Variants in SEZ6L observed in about 807,000 individuals in gnomAD.
SEZ6L encodes seizure 6-like protein.
SEZ6L carries 37 observed loss-of-function variants against 106.2 expected under a neutral mutation model. The observed-to-expected ratio is 0.35, with a 90% CI of 0.27 to 0.46. The LOEUF is 0.46. SEZ6L is among the 20% of genes least tolerant of loss of function. The pLI, the probability that SEZ6L is intolerant of heterozygous loss-of-function variation, is 1.00. For missense variants in SEZ6L, 1,172 were observed against 1,332.8 expected (o/e 0.88, Z 1.88); for synonymous variants, 541 against 570.4 (o/e 0.95, Z 0.73).
chr22:26,281,981 T>C (rs2080786407), intron 1 of SEZ6L, among the ~76,000 whole-genome samples: 1 of 152,362 alleles, frequency 6.6e-6, no homozygotes, highest in South Asian at 2.1e-4. Flanking sequence ...TATTCTGTAA[T>C]TGATTTAACC....
In SEZ6L at chr22:26,295,666, G is replaced by A. The variant is rs117977477; in HGVS notation, c.970-1222G>A. On this transcript the variant is annotated intron_variant, in intron 3 of 16. Coordinates refer to ENST00000248933, the MANE Select transcript of SEZ6L (RefSeq NM_021115.5). ...TCATGAAGAGTATTGGACCCAGTAT[G>A]TGTCCAGTACTGTGTGGAGCCTTTT... Among the ~76,000 whole-genome samples, 516 of 152,326 alleles carry A rather than the reference G, an allele frequency of 3.4e-3. 2 individuals are homozygous for A. The Middle Eastern group carries it at 0.034, about 10-fold the overall frequency.
At chr22:26,266,894 C>T (rs969693599) in intron 1 of SEZ6L, among the ~76,000 whole-genome samples, 1 of 151,956 alleles carries the variant, frequency 6.6e-6, no homozygotes, top group African/African-American at 2.4e-5. Context: ...ATGCAAAGTG[C>T]TGCTGGAATA....
At chr22:26,188,160 G>A (rs1939925584) in intron 1 of SEZ6L, among the ~76,000 whole-genome samples, 1 of 152,124 alleles carries the variant, frequency 6.6e-6, no homozygotes, top group Non-Finnish European at 1.5e-5. Flanking sequence ...CCTCTTCCAG[G>A]GAGCCTTCCC....
At chr22:26,249,057 AT>A (rs1302304741) in intron 1 of SEZ6L, among the ~76,000 whole-genome samples, 2 of 152,224 alleles carry the variant, frequency 1.3e-5, no homozygotes, top group African/African-American at 4.8e-5. Flanking sequence ...TTGACATATA[AT>A]AATCTTATGT....
At chr22:26,230,237 A>G (rs556784758) in intron 1 of SEZ6L, among the ~76,000 whole-genome samples, 1 of 152,272 alleles carries the variant, frequency 6.6e-6, no homozygotes, top group Non-Finnish European at 1.5e-5. Flanking sequence ...GAACCATCTC[A>G]TCAAGCCCCT....
intron 10 of SEZ6L, among the ~76,000 whole-genome samples, chr22:26,341,149 C>A (rs1223328721): frequency 6.6e-6 from 1 of 152,202 alleles, no homozygotes; most frequent in Non-Finnish European, 1.5e-5. Context: ...CCTCGTTGAA[C>A]AAGGACAGCC....
At chr22:26,310,262 G>T (rs6005001) in intron 6 of SEZ6L, among the ~76,000 whole-genome samples, 1 of 152,046 alleles carries the variant, frequency 6.6e-6, no homozygotes, top group African/African-American at 2.4e-5. Context: ...AGGACTGGGC[G>T]TGGTGGCTCA....
chr22:26,312,650 A>C (rs2081875490), intron 8 of SEZ6L, among the ~76,000 whole-genome samples: 1 of 152,210 alleles, frequency 6.6e-6, no homozygotes, highest in Non-Finnish European at 1.5e-5. Context: ...GGCTCACTGC[A>C]GCCTCCGCTT....
At chr22:26,283,311 T>G (rs558414295) in intron 1 of SEZ6L, among the ~76,000 whole-genome samples, 13 of 152,236 alleles carry the variant, frequency 8.5e-5, no homozygotes, top group African/African-American at 2.9e-4. Flanking sequence ...TGGAGGAAGG[T>G]AGGGGAATGG....
chr22:26,312,769 C>T (rs1442671297), intron 8 of SEZ6L, among the ~76,000 whole-genome samples: 1 of 152,182 alleles, frequency 6.6e-6, no homozygotes, highest in Non-Finnish European at 1.5e-5. Context: ...GGGGTTTCAC[C>T]ATATCAGCCA....
At position 26,382,656 on chromosome 22, in the gene SEZ6L, T is replaced by C. The variant is rs961839148; in HGVS notation, c.*2361T>C. 1 of 152,202 alleles carries C rather than the reference T, an allele frequency of 6.6e-6. No individual in the cohort carries two copies. The highest frequency in any genetic ancestry group is 1.5e-5 in the Non-Finnish European group (1 of 68,046). The allele number at this position is 152,202 out of a possible 1,614,324, so 9.4% of individuals were successfully genotyped here. ...GAGACAGATCATACGAGTTCAACAA[T>C]GTACAGTGTGATTGAAAAGACAGGT... On this transcript the variant is annotated 3_prime_UTR_variant, in exon 17 of 17. Transcript: ENST00000248933.
chr22:26,327,005 C>T (rs890024105), intron 9 of SEZ6L, among the ~76,000 whole-genome samples: 21 of 152,124 alleles, frequency 1.4e-4, no homozygotes, highest in East Asian at 3.9e-4. Context: ...GTGTTCTGGC[C>T]GCTCGGATTG....
chr22:26,171,508 G>GA (rs199605745), intron 1 of SEZ6L, among the ~76,000 whole-genome samples: 3,834 of 151,136 alleles, frequency 0.025, 78 homozygotes, highest in South Asian at 0.084. Flanking sequence ...ACCTTGCAGG[G>GA]AAAAAAAAAT....
chr22:26,289,038 A>G (rs980473808), intron 1 of SEZ6L, among the ~76,000 whole-genome samples: 5 of 152,220 alleles, frequency 3.3e-5, no homozygotes, highest in Non-Finnish European at 7.3e-5. Context: ...AAACCCAACA[A>G]TGTCTGAGCT....
At chr22:26,346,885 G>A (rs2083024959) in intron 10 of SEZ6L, among the ~76,000 whole-genome samples, 1 of 152,178 alleles carries the variant, frequency 6.6e-6, no homozygotes. Flanking sequence ...TTCAGTGTTG[G>A]TAGGGACTAC....
At chr22:26,193,401 T>G (rs1457275621) in intron 1 of SEZ6L, among the ~76,000 whole-genome samples, 23 of 152,196 alleles carry the variant, frequency 1.5e-4, no homozygotes, top group Non-Finnish European at 3.4e-4. Flanking sequence ...ATACTCAAGA[T>G]CACAAGGCAA....
chr22:26,249,523 C>CGT (rs140057852), intron 1 of SEZ6L, among the ~76,000 whole-genome samples: 306 of 151,110 alleles, frequency 2.0e-3, no homozygotes, highest in African/African-American at 6.4e-3. Context: ...GAATAGTATT[C>CGT]GTGTGTGTGT....
intron 9 of SEZ6L, among the ~76,000 whole-genome samples, chr22:26,332,353 T>C (rs1395265789): frequency 2.0e-5 from 3 of 152,002 alleles, no homozygotes; most frequent in Admixed American, 6.5e-5. Context: ...TTTCACCATA[T>C]TGGCCAAGCT....
intron 1 of SEZ6L, among the ~76,000 whole-genome samples, chr22:26,196,601 A>T (rs1940596839): frequency 6.6e-6 from 1 of 152,166 alleles, no homozygotes; most frequent in African/African-American, 2.4e-5. Flanking sequence ...TAAGCAGAGG[A>T]TTGTGTGATG....
Sources: gnomAD v4.1 joint callset for allele counts (sites outside exome capture counted in the v4.1 genomes callset) on GRCh38, gnomAD v4.1.1 for gene constraint, MANE v1.5 for transcripts, NCBI Gene and HGNC (gene_info 2026-07-23, HGNC 2026-07-21) for gene names.